The following ADAMTSL1 variants were observed in gnomAD, a reference collection of about 807,000 sequenced individuals.
ADAMTSL1 encodes ADAMTS like 1.
ADAMTSL1 carries 126 observed loss-of-function variants against 201.8 expected under a neutral mutation model. The ratio of observed to expected loss-of-function variants is 0.62; its 90% CI spans 0.54 to 0.72. The LOEUF is 0.72. Ranked by LOEUF, ADAMTSL1 falls within the 30% of genes least tolerant of loss-of-function variation. The probability of loss-of-function intolerance (pLI) is 0.00; values close to 1 mark genes in which losing one functional copy is unlikely to be tolerated. For synonymous variants in ADAMTSL1, 1,121 were observed against 903.4 expected, an observed-to-expected ratio of 1.24 and a Z score of -4.32; for missense variants, 2,679 against 2,277.8, an observed-to-expected ratio of 1.18 and a Z score of -3.59.
At chr9:18,455,614 T>G (rs565614724) in intron 2 of ADAMTSL1, among the ~76,000 whole-genome samples, 1 of 152,276 alleles carries the variant, frequency 6.6e-6, no homozygotes, top group African/African-American at 2.4e-5. Flanking sequence ...AAAAGTCCTC[T>G]CTAATTCACT....
In ADAMTSL1 at chr9:17,939,875, A is replaced by AG. The variant is rs1268860255; in HGVS notation, c.87+32959dup. On this transcript the variant is annotated intron_variant, in intron 1 of 29. Transcript: ENST00000680146. ...TTAATGGAGGCCTGAGAGGACATGA[A>AG]GGGGGGAGCAAAAGAGTCAGTTAAG... Among the ~76,000 whole-genome samples the AG allele has an allele frequency of 3.3e-5, 5 of 152,252 alleles. No homozygotes were observed. In the South Asian group the frequency reaches 6.2e-4, roughly 19 times the overall value.
intron 2 of ADAMTSL1, among the ~76,000 whole-genome samples, chr9:18,328,494 TCATAA>T (rs1193466199): frequency 6.6e-6 from 1 of 152,110 alleles, no homozygotes; most frequent in East Asian, 1.9e-4. Flanking sequence ...CCTAATAACG[TCATAA>T]CATAAGTATC....
intron 3 of ADAMTSL1, among the ~76,000 whole-genome samples, chr9:18,536,159 A>G (rs1201888904): frequency 6.6e-6 from 1 of 152,200 alleles, no homozygotes; most frequent in Non-Finnish European, 1.5e-5. Flanking sequence ...AAGAAAGAAT[A>G]TTTTCATGAT....
At chr9:18,713,897 A>G (rs1379697708) in intron 14 of ADAMTSL1, among the ~76,000 whole-genome samples, 10 of 147,638 alleles carry the variant, frequency 6.8e-5, no homozygotes, top group African/African-American at 1.5e-4. Flanking sequence ...ATAACAAACT[A>G]TCTCTCAGAC....
intron 4 of ADAMTSL1, among the ~76,000 whole-genome samples, chr9:18,597,810 C>G (rs929669973): frequency 3.9e-5 from 6 of 152,012 alleles, no homozygotes; most frequent in Admixed American, 6.6e-5. Flanking sequence ...AGATTTTGAG[C>G]CTTTGAACAT....
chr9:18,662,108 A>G (rs1829132692), intron 9 of ADAMTSL1, 35 bp downstream of exon 9: 3 of 1,595,308 alleles, frequency 1.9e-6, no homozygotes, highest in Non-Finnish European at 1.7e-6. Flanking sequence ...TGTCATAAAC[A>G]TAACTCAAGT....
chr9:17,925,846 A>G (rs1028056434), intron 1 of ADAMTSL1, among the ~76,000 whole-genome samples: 1 of 105,270 alleles, frequency 9.5e-6, no homozygotes, highest in African/African-American at 2.9e-5. Context: ...CCTAAAACTT[A>G]AAGTATAATT....
At chr9:17,957,290 G>A (rs1165460516) in intron 1 of ADAMTSL1, among the ~76,000 whole-genome samples, 1 of 152,148 alleles carries the variant, frequency 6.6e-6, no homozygotes, top group Non-Finnish European at 1.5e-5. Flanking sequence ...CCAGAATTCT[G>A]TCCAGAAACC....
At chr9:17,973,871 G>T (rs1464713303) in intron 1 of ADAMTSL1, among the ~76,000 whole-genome samples, 2 of 150,018 alleles carry the variant, frequency 1.3e-5, no homozygotes, top group East Asian at 4.0e-4. Context: ...TCCTTGAAGA[G>T]GTCCTTCACA....
At chr9:18,421,452 C>G (rs371249477) in intron 2 of ADAMTSL1, among the ~76,000 whole-genome samples, 2 of 152,132 alleles carry the variant, frequency 1.3e-5, no homozygotes, top group Admixed American at 6.5e-5. Flanking sequence ...AGCGATAGAG[C>G]CAGGATTCAA....
chr9:18,793,108 C>T (rs2133829662), intron 19 of ADAMTSL1: 1 of 152,310 alleles, frequency 6.6e-6, no homozygotes, highest in South Asian at 2.1e-4. Flanking sequence ...TGGTGATGAT[C>T]TGGAATAGCA....
intron 2 of ADAMTSL1, among the ~76,000 whole-genome samples, chr9:18,519,185 T>C (rs1329499946): frequency 2.0e-5 from 3 of 152,264 alleles, no homozygotes; most frequent in African/African-American, 4.8e-5. Flanking sequence ...GGCTGTGTTA[T>C]CGTTATTCAT....
At chr9:18,575,477 T>C (rs1822653131) in intron 4 of ADAMTSL1, among the ~76,000 whole-genome samples, 1 of 152,212 alleles carries the variant, frequency 6.6e-6, no homozygotes, top group Non-Finnish European at 1.5e-5. Context: ...TCAATCAACA[T>C]TCTAAAAAGC....
chr9:18,336,064 T>A (rs893419645), intron 2 of ADAMTSL1, among the ~76,000 whole-genome samples: 1 of 152,158 alleles, frequency 6.6e-6, no homozygotes, highest in East Asian at 1.9e-4. Context: ...TTTTATTTCA[T>A]TGCACATAGC....
chr9:18,059,432 A>G (rs1157931764), intron 1 of ADAMTSL1, among the ~76,000 whole-genome samples: 1 of 152,136 alleles, frequency 6.6e-6, no homozygotes, highest in Non-Finnish European at 1.5e-5. Flanking sequence ...TTTGCTTCTT[A>G]ATGTGGTGGG....
intron 2 of ADAMTSL1, among the ~76,000 whole-genome samples, chr9:18,301,759 A>G (rs1464704062): frequency 6.6e-6 from 1 of 152,254 alleles, no homozygotes; most frequent in Non-Finnish European, 1.5e-5. Flanking sequence ...CTAAGAAATT[A>G]GAAAATGTAC....
At chr9:18,816,491 C>T (rs900946489) in intron 20 of ADAMTSL1, among the ~76,000 whole-genome samples, 1 of 152,166 alleles carries the variant, frequency 6.6e-6, no homozygotes, top group African/African-American at 2.4e-5. Flanking sequence ...CCCACCTCAG[C>T]CTCCCAAAGT....
intron 1 of ADAMTSL1, among the ~76,000 whole-genome samples, chr9:17,939,062 G>T (rs550094067): frequency 2.1e-4 from 32 of 152,174 alleles, no homozygotes; most frequent in Non-Finnish European, 4.4e-4. Context: ...ATATCCATTG[G>T]TTTTTTGCCA....
chr9:18,627,659 G>T (rs1408298840), intron 5 of ADAMTSL1, among the ~76,000 whole-genome samples: 1 of 152,154 alleles, frequency 6.6e-6, no homozygotes, highest in Non-Finnish European at 1.5e-5. Context: ...TCTGACTCAA[G>T]CTTCCTCTTC....
Sources: gnomAD v4.1 joint callset for allele counts (sites outside exome capture counted in the v4.1 genomes callset) on GRCh38, gnomAD v4.1.1 for gene constraint, MANE v1.5 for transcripts, NCBI Gene and HGNC (gene_info 2026-07-23, HGNC 2026-07-21) for gene names.